MAGI1: variants seen among roughly 807,000 people sequenced by gnomAD.
MAGI1 encodes membrane associated guanylate kinase, WW and PDZ domain containing 1.
In MAGI1, 58 loss-of-function variants were observed where a neutral mutation model predicts 139.9. The ratio of observed to expected loss-of-function variants is 0.41; its 90% CI spans 0.34 to 0.52. The LOEUF (loss-of-function observed/expected upper bound fraction) is 0.52, where lower values mean the gene tolerates loss of function less well. Among genes scored for constraint, MAGI1 ranks in the 20% least tolerant of loss-of-function variants. The pLI, the probability that MAGI1 is intolerant of heterozygous loss-of-function variation, is 0.12. For synonymous variants in MAGI1, 812 were observed against 737.9 expected (o/e 1.10, Z -1.63); for missense variants, 1,874 against 1,901.6 (o/e 0.99, Z 0.27).
chr3:65,844,228 C>A, intron 1 of MAGI1: 1 of 484,614 alleles, frequency 2.1e-6, no homozygotes, highest in South Asian at 1.6e-5. Flanking sequence ...ATTCTCTGGT[C>A]ATTGAGCAGA....
chr3:65,687,358 A>C (rs1448503839), intron 1 of MAGI1: 1 of 272,462 alleles, frequency 3.7e-6, no homozygotes, highest in East Asian at 1.1e-4. Context: ...AAAGAGGCTC[A>C]GGAGGAGAGT....
intron 2 of MAGI1, among the ~76,000 whole-genome samples, chr3:65,525,593 G>A (rs1480242754): frequency 6.6e-6 from 1 of 152,104 alleles, no homozygotes; most frequent in Non-Finnish European, 1.5e-5. Context: ...TACTTTCAAC[G>A]AATGCTCTGG....
intron 1 of MAGI1, among the ~76,000 whole-genome samples, chr3:65,839,930 T>C (rs2058749470): frequency 6.6e-6 from 1 of 152,230 alleles, no homozygotes; most frequent in Non-Finnish European, 1.5e-5. Context: ...AGGTCTCATT[T>C]ATTGTCTTTA....
chr3:65,681,886 AG>A (rs1321442863), intron 1 of MAGI1, among the ~76,000 whole-genome samples: 1 of 152,190 alleles, frequency 6.6e-6, no homozygotes, highest in Non-Finnish European at 1.5e-5. Context: ...ATTAATTAAA[AG>A]ATGAGGTCTC....
chr3:65,720,767 A>G (rs150277103), intron 1 of MAGI1, among the ~76,000 whole-genome samples: 28 of 151,930 alleles, frequency 1.8e-4, no homozygotes, highest in African/African-American at 6.5e-4. Context: ...GTTTTGTTTT[A>G]GAGACCGGGT....
intron 1 of MAGI1, among the ~76,000 whole-genome samples, chr3:65,856,248 A>T (rs1172461338): frequency 6.6e-6 from 1 of 152,154 alleles, no homozygotes; most frequent in African/African-American, 2.4e-5. Context: ...GGGGAGAAGA[A>T]AAAGCAAAAG....
chr3:65,879,562 T>C lies in MAGI1; in HGVS notation c.313+158434A>G, dbSNP rs146932684. On this transcript the variant is annotated intron_variant, in intron 1 of 22. Coordinates refer to ENST00000402939, the MANE Select transcript of MAGI1 (RefSeq NM_001033057.2). ...ACCACCTGTGACATAATCCCAGCTC[T>C]ACTATGTGCTGGCTGTGTGTTCTCA... 7.9e-5 allele frequency among the ~76,000 whole-genome samples: 12 copies of C among 152,320 alleles called. No homozygotes were observed. In the East Asian group the frequency reaches 2.3e-3, roughly 29 times the overall value.
chr3:65,861,676 G>A (rs1167973562), intron 1 of MAGI1, among the ~76,000 whole-genome samples: 1 of 152,080 alleles, frequency 6.6e-6, no homozygotes, highest in Admixed American at 6.6e-5. Context: ...CTTGACCTCA[G>A]TCATAATGGT....
chr3:65,923,946 G>C (rs1576076135), intron 1 of MAGI1, among the ~76,000 whole-genome samples: 1 of 152,200 alleles, frequency 6.6e-6, no homozygotes, highest in African/African-American at 2.4e-5. Flanking sequence ...TTTATATTAA[G>C]AGTAATATTA....
At chr3:65,394,502 C>T (rs957193023) in intron 13 of MAGI1, among the ~76,000 whole-genome samples, 1 of 152,192 alleles carries the variant, frequency 6.6e-6, no homozygotes, top group African/African-American at 2.4e-5. Context: ...GGGCTAAATA[C>T]ACAATAATCT....
chr3:65,825,478 A>G (rs2042172009), intron 1 of MAGI1, among the ~76,000 whole-genome samples: 1 of 152,184 alleles, frequency 6.6e-6, no homozygotes, highest in Admixed American at 6.5e-5. Context: ...CACCATGGAA[A>G]TCGGCAAGTG....
intron 9 of MAGI1, among the ~76,000 whole-genome samples, chr3:65,438,008 A>G (rs1947969467): frequency 6.6e-6 from 1 of 152,202 alleles, no homozygotes; most frequent in South Asian, 2.1e-4. Flanking sequence ...ACCACCATAC[A>G]ATCCAGCAGT....
chr3:65,630,861 T>C (rs930359001), intron 1 of MAGI1, among the ~76,000 whole-genome samples: 1 of 152,162 alleles, frequency 6.6e-6, no homozygotes, highest in Non-Finnish European at 1.5e-5. Flanking sequence ...ACTACTGAAA[T>C]TTTTAAAAAG....
At chr3:66,007,557 A>G (rs975270639) in intron 1 of MAGI1, among the ~76,000 whole-genome samples, 2 of 152,218 alleles carry the variant, frequency 1.3e-5, no homozygotes, top group Non-Finnish European at 2.9e-5. Flanking sequence ...AGGATAAGGG[A>G]AATGGTGCAA....
chr3:65,695,032 T>G (rs546624287), intron 1 of MAGI1, among the ~76,000 whole-genome samples: 1 of 152,292 alleles, frequency 6.6e-6, no homozygotes, highest in Non-Finnish European at 1.5e-5. Flanking sequence ...AGATGGGCAT[T>G]TATTACCAAA....
At chr3:65,639,930 A>C (rs554998659) in intron 1 of MAGI1, among the ~76,000 whole-genome samples, 11 of 151,866 alleles carry the variant, frequency 7.2e-5, no homozygotes, top group Admixed American at 7.2e-4. Context: ...TGAACCCAGG[A>C]AGCAGAGGTT....
chr3:65,993,778 GGTCA>G (rs1362086777), intron 1 of MAGI1, among the ~76,000 whole-genome samples: 5 of 152,050 alleles, frequency 3.3e-5, no homozygotes, highest in African/African-American at 4.8e-5. Flanking sequence ...CATAGCTTGG[GGTCA>G]GTAAGTCAAC....
Position 65,543,723 on chromosome 3 carries a change from G to C in MAGI1, c.431-50092C>G, listed in dbSNP as rs536294710. On this transcript the variant is annotated intron_variant, in intron 2 of 22. Coordinates refer to ENST00000402939, the MANE Select transcript of MAGI1 (RefSeq NM_001033057.2). Reference sequence around the variant, plus strand: ...CAATGAGAATACATGGACACAGAGAGAGGAACATCACACACTGGGGCCTGT... The same window carrying C: ...CAATGAGAATACATGGACACAGAGACAGGAACATCACACACTGGGGCCTGT... 5.2e-4 allele frequency among the ~76,000 whole-genome samples: 79 copies of C among 151,868 alleles called. 1 individual carries two copies. The highest frequency in any genetic ancestry group is 3.1e-3 in the South Asian group (15 of 4,786).
At chr3:65,496,423 C>T (rs1483853067) in intron 2 of MAGI1, among the ~76,000 whole-genome samples, 4 of 152,056 alleles carry the variant, frequency 2.6e-5, no homozygotes, top group Admixed American at 1.3e-4. Flanking sequence ...AGAATAGAAG[C>T]AGGGGGACCA....
Sources: allele counts gnomAD v4.1 joint callset (sites outside exome capture counted in the v4.1 genomes callset), GRCh38; gene constraint gnomAD v4.1.1; transcripts MANE v1.5; gene names NCBI Gene and HGNC (gene_info 2026-07-23, HGNC 2026-07-21).